The following USP13 variants were observed in gnomAD, a reference collection of about 807,000 sequenced individuals.
USP13 encodes ubiquitin carboxyl-terminal hydrolase 13.
In USP13, 68 loss-of-function variants were observed where a neutral mutation model predicts 107.8. That is an observed-to-expected ratio of 0.63 (90% confidence interval 0.52 to 0.77). The LOEUF (loss-of-function observed/expected upper bound fraction) is 0.77, where lower values mean the gene tolerates loss of function less well. Among genes scored for constraint, USP13 ranks in the 30% least tolerant of loss-of-function variants. The pLI is 0.00. For synonymous variants in USP13, 377 were observed against 389.5 expected, an observed-to-expected ratio of 0.97 and a Z score of 0.38; for missense variants, 945 against 1,093.3, an observed-to-expected ratio of 0.86 and a Z score of 1.91.
At chr3:179,665,835 C>T (rs561800395) in intron 1 of USP13, among the ~76,000 whole-genome samples, 3 of 152,340 alleles carry the variant, frequency 2.0e-5, no homozygotes, top group African/African-American at 7.2e-5. Context: ...ATCTGCCTGC[C>T]TTGGCTTCTC....
rs1202052080 is a variant in USP13, at chr3:179,653,321, G to A, written c.96G>A (p.Met32Ile). 1.3e-6 allele frequency: 2 copies of A among 1,578,740 alleles called. No homozygotes were observed. Among genetic ancestry groups the A allele is most frequent in the Admixed American group, 1.8e-5 (1 of 54,674 alleles). The change falls in exon 1 of 21, where the codon ATG (methionine) becomes ATA (isoleucine). Residue 32 changes from methionine (M) to isoleucine (I), a missense_variant. By Grantham distance (10) the Met-to-Ile change is conservative. Coordinates refer to ENST00000263966, the MANE Select transcript of USP13 (RefSeq NM_003940.3). This position sits in a 1 kb window ranked among gnomAD's most constrained non-coding sequence, Gnocchi z 4.0. The part of the protein sequence containing the change: ...GDIGELLVPH[M>I]PTIRVPRSGD... Reference sequence around the variant, plus strand: ...TCGGCGAGCTGCTAGTGCCCCACATGCCCACGATCCGCGTGCCCAGGTCCG... The same window carrying A: ...TCGGCGAGCTGCTAGTGCCCCACATACCCACGATCCGCGTGCCCAGGTCCG...
intron 8 of USP13, among the ~76,000 whole-genome samples, chr3:179,722,380 G>C (rs1713355908): frequency 6.6e-6 from 1 of 152,196 alleles, no homozygotes; most frequent in Non-Finnish European, 1.5e-5. Flanking sequence ...AATGAGATAA[G>C]TTTGGAAATC....
chr3:179,731,544 G>A (rs1371147742), intron 10 of USP13, among the ~76,000 whole-genome samples: 1 of 152,200 alleles, frequency 6.6e-6, no homozygotes, highest in Non-Finnish European at 1.5e-5. Flanking sequence ...TCAAGTAGGA[G>A]AAACTCCGTG....
rs768202041 is a variant in USP13, at chr3:179,721,451, G to T, written c.950G>T (p.Trp317Leu). The T allele has an allele frequency of 3.7e-6, 6 of 1,614,186 alleles. No homozygotes were observed. Among genetic ancestry groups the T allele is most frequent in the Non-Finnish European group, 5.1e-6 (6 of 1,180,036 alleles). ...GACATCAAGCTGAGGGTCAGTGAGTGGGAAGTGATCCAGGAGTCGGGCACG... is the reference window on the plus strand; with the variant it reads ...GACATCAAGCTGAGGGTCAGTGAGTTGGAAGTGATCCAGGAGTCGGGCACG... ...DNDIKLRVSE[W>L]EVIQESGTKL... The change falls in exon 8 of 21, where the codon TGG becomes TTG. Residue 317 changes from tryptophan to leucine, a missense_variant. By Grantham distance (61) the Trp-to-Leu change is moderately conservative. Transcript: ENST00000263966. The surrounding 1 kb of genome is among the most constrained non-coding windows in gnomAD (Gnocchi z 4.3).
intron 8 of USP13, among the ~76,000 whole-genome samples, chr3:179,723,428 C>T (rs929762834): frequency 6.6e-6 from 1 of 152,106 alleles, no homozygotes; most frequent in Non-Finnish European, 1.5e-5. Context: ...GCAGGAGATA[C>T]AGGCATTAAG....
At chr3:179,711,279 C>T (rs1479708956) in intron 6 of USP13, among the ~76,000 whole-genome samples, 3 of 152,030 alleles carry the variant, frequency 2.0e-5, no homozygotes, top group African/African-American at 7.3e-5. Flanking sequence ...AGTGCGGTGG[C>T]GTGATCTCAG....
intron 6 of USP13, among the ~76,000 whole-genome samples, chr3:179,715,168 C>G (rs28866545): frequency 0.23 from 34,946 of 151,098 alleles, 4,350 homozygotes; most frequent in Admixed American, 0.31. Context: ...AGATGTGGGC[C>G]ACTATGCCTG....
intron 4 of USP13, among the ~76,000 whole-genome samples, chr3:179,702,084 A>T (rs1401761736): frequency 4.0e-5 from 6 of 151,046 alleles, no homozygotes; most frequent in Non-Finnish European, 7.4e-5. Flanking sequence ...CCGTGGCGCG[A>T]TCTCGGCTCA....
chr3:179,776,345 G>A (rs978846333), intron 19 of USP13, among the ~76,000 whole-genome samples: 2 of 152,076 alleles, frequency 1.3e-5, no homozygotes, highest in South Asian at 4.1e-4. Flanking sequence ...TCTTTGGGTG[G>A]CCTTACCTCT....
intron 13 of USP13, among the ~76,000 whole-genome samples, chr3:179,747,267 T>A (rs1413138691): frequency 2.0e-5 from 3 of 152,222 alleles, no homozygotes; most frequent in Non-Finnish European, 4.4e-5. Flanking sequence ...CTCTACACAC[T>A]CTATTAGTGA....
chr3:179,684,923 C>T (rs1314175597), intron 2 of USP13, among the ~76,000 whole-genome samples: 1 of 151,988 alleles, frequency 6.6e-6, no homozygotes, highest in Non-Finnish European at 1.5e-5. Flanking sequence ...ATTTTGATGA[C>T]AATCACATTG....
intron 19 of USP13, among the ~76,000 whole-genome samples, chr3:179,779,548 A>G (rs1715669078): frequency 1.3e-5 from 2 of 151,866 alleles, no homozygotes; most frequent in Non-Finnish European, 2.9e-5. Context: ...ACAACAAAAA[A>G]AGAGAACAAC....
At chr3:179,723,138 G>T (rs537433112) in intron 8 of USP13, among the ~76,000 whole-genome samples, 1 of 152,298 alleles carries the variant, frequency 6.6e-6, no homozygotes, top group East Asian at 1.9e-4. Flanking sequence ...AATAGTCCAG[G>T]TCATGTTTTA....
intron 1 of USP13, among the ~76,000 whole-genome samples, chr3:179,657,047 G>A (rs1246765839): frequency 6.6e-6 from 1 of 152,186 alleles, no homozygotes; most frequent in Non-Finnish European, 1.5e-5. Flanking sequence ...AGCCCAGACT[G>A]GCAGTGTTTG....
At chr3:179,698,269 T>C (rs1560052674) in intron 3 of USP13, among the ~76,000 whole-genome samples, 1 of 152,150 alleles carries the variant, frequency 6.6e-6, no homozygotes, top group Non-Finnish European at 1.5e-5. Flanking sequence ...TTGGTTGTGT[T>C]AGTTGTCAGG....
At chr3:179,705,626 A>G (rs1334581827) in intron 4 of USP13, among the ~76,000 whole-genome samples, 1 of 152,228 alleles carries the variant, frequency 6.6e-6, no homozygotes, top group Non-Finnish European at 1.5e-5. Context: ...TTATTGGCAA[A>G]TAACATTCCA....
chr3:179,713,708 A>C (rs891265388), intron 6 of USP13, among the ~76,000 whole-genome samples: 4 of 152,214 alleles, frequency 2.6e-5, no homozygotes, highest in African/African-American at 9.6e-5. Flanking sequence ...CTTGACCAGT[A>C]CATTCCTTCC....
chr3:179,684,910 G>T (rs1282106001), intron 2 of USP13, among the ~76,000 whole-genome samples: 1 of 150,852 alleles, frequency 6.6e-6, no homozygotes, highest in Admixed American at 6.6e-5. Flanking sequence ...AAATCCTATT[G>T]GGATTTTGAT....
At chr3:179,692,638 C>T (rs1712152534) in intron 3 of USP13, among the ~76,000 whole-genome samples, 1 of 152,218 alleles carries the variant, frequency 6.6e-6, no homozygotes, top group African/African-American at 2.4e-5. Context: ...TAAGTAACGT[C>T]AGCAGGTTCT....
Sources: gnomAD v4.1 joint callset for allele counts (sites outside exome capture counted in the v4.1 genomes callset) on GRCh38, gnomAD v4.1.1 for gene constraint, Gnocchi (gnomAD v3.1) non-coding constraint, MANE v1.5 for transcripts, NCBI Gene and HGNC (gene_info 2026-07-23, HGNC 2026-07-21) for gene names.